The following CLUH variants were observed in gnomAD, a reference collection of about 807,000 sequenced individuals.
CLUH encodes CLUH binding protein of NUMT mRNA.
A neutral mutation model predicts 139.3 loss-of-function variants in CLUH; 77 were observed. The observed-to-expected ratio is 0.55, with a 90% CI of 0.46 to 0.67. The LOEUF (loss-of-function observed/expected upper bound fraction) is 0.67, where lower values mean the gene tolerates loss of function less well. Among genes scored for constraint, CLUH ranks in the 30% least tolerant of loss-of-function variants. The pLI is 0.00. For synonymous variants in CLUH, 999 were observed against 801.6 expected (o/e 1.25, Z -4.16); for missense variants, 1,876 against 1,875.8 (o/e 1.00, Z 0.00).
chr17:2,700,653 G>A (rs750071476), intron 8 of CLUH, 25 bp downstream of exon 8: 9 of 1,517,298 alleles, frequency 5.9e-6, no homozygotes, highest in African/African-American at 2.8e-5. Flanking sequence ...GGTGCCCAGC[G>A]AGGGCAGGGC....
At chr17:2,694,346 C>G (rs905246642) in intron 17 of CLUH, 70 bp from the exon 18 acceptor site, 3 of 1,530,624 alleles carry the variant, frequency 2.0e-6, no homozygotes, top group Non-Finnish European at 2.6e-6. Context: ...TCCCAACCCA[C>G]CAACGCTTGC....
Position 2,703,387 on chromosome 17 carries a change from G to A in CLUH, c.406C>T (p.Leu136=). ...CFSLHLDGNV[L]DHFSELRSVE... Reference sequence around the variant, plus strand: ...CTGCGCAGCTCCGAGAAGTGGTCCAGCACGTTGCCATCCAGGTGCAGTGAG... The same window carrying A: ...CTGCGCAGCTCCGAGAAGTGGTCCAACACGTTGCCATCCAGGTGCAGTGAG... The change falls in exon 3 of 26, where the codon CTG becomes TTG. Residue 136 remains leucine, a synonymous_variant. Coordinates refer to ENST00000651024, the MANE Select transcript of CLUH (RefSeq NM_001366661.1). The surrounding 1 kb of genome is among the most constrained non-coding windows in gnomAD (Gnocchi z 4.2). 2 of 1,613,580 alleles carry A rather than the reference G, an allele frequency of 1.2e-6. No homozygotes were observed. Among genetic ancestry groups the A allele is most frequent in the African/African-American group, 1.3e-5 (1 of 75,028 alleles).
intron 9 of CLUH, among the ~76,000 whole-genome samples, chr17:2,699,386 C>T (rs372860313): frequency 1.7e-4 from 26 of 152,278 alleles, no homozygotes; most frequent in Admixed American, 2.0e-4. Context: ...TGCAGCGGCA[C>T]GAGATCCGAG....
rs71377528 is a variant in CLUH at position 2,693,141 on chromosome 17, CAA to C, written c.3232-283_3232-282del. On this transcript the variant is annotated intron_variant, in intron 19 of 25. Transcript: ENST00000651024. ...AAACCTAAAACTACTAAAAATGTTA[CAA>C]AAAAAAAAAAAAAGCCTGAGCAGGG... Among the ~76,000 whole-genome samples the C allele has an allele frequency of 9.5e-5, 7 of 73,788 alleles. No homozygotes were observed. In the South Asian group the frequency reaches 2.4e-3, roughly 25 times the overall value. The allele number at this position is 73,788 out of a possible 152,430, so 48.4% of individuals were successfully genotyped here.
At position 2,699,781 on chromosome 17, in the gene CLUH, G is replaced by A. The variant is rs553344718; in HGVS notation, c.1266+601C>T. 1.4e-4 allele frequency among the ~76,000 whole-genome samples: 22 copies of A among 152,154 alleles called. 1 individual carries two copies. The South Asian group carries it at 4.1e-3, about 29-fold the overall frequency. On this transcript the variant is annotated intron_variant, in intron 9 of 25. Transcript: ENST00000651024. ...CGAGTAGCTGGGACTACAGGCATGC[G>A]CCACCACACCCAGCTAATTTTTGTA...
In CLUH at chr17:2,692,406, A is replaced by ACGGC; in HGVS notation, c.3511_3514dup (p.Val1172GlyfsTer30). The ACGGC allele has an allele frequency of 6.3e-7, 1 of 1,597,740 alleles. No homozygotes were observed. The highest frequency in any genetic ancestry group is 8.5e-7 in the Non-Finnish European group (1 of 1,178,774). Reference sequence around the variant, plus strand: ...CTTGGGCCCGTGGTACTTGGTGCTGACGGCCAGCGCGTTCTCCAGGAAGCG... The same window carrying ACGGC: ...CTTGGGCCCGTGGTACTTGGTGCTGACGGCCGGCCAGCGCGTTCTCCAGGAAGCG... On this transcript the variant is annotated frameshift_variant, in exon 22 of 26. Transcript: ENST00000651024. LOFTEE classifies it high-confidence loss of function.
rs896098625 is a variant in CLUH at position 2,703,693 on chromosome 17, A to G, written c.304-204T>C. ...ACTTTCTGGCTTTTAAATCCAGGCCATGTCCACACATGCCATGCCCTGTGT... is the reference window on the plus strand; with the variant it reads ...ACTTTCTGGCTTTTAAATCCAGGCCGTGTCCACACATGCCATGCCCTGTGT... On this transcript the variant is annotated intron_variant, in intron 2 of 25. Coordinates refer to ENST00000651024, the MANE Select transcript of CLUH (RefSeq NM_001366661.1). This position sits in a 1 kb window ranked among gnomAD's most constrained non-coding sequence, Gnocchi z 4.2. Among the ~76,000 whole-genome samples the G allele has an allele frequency of 2.0e-5, 3 of 152,108 alleles. No individual in the cohort carries two copies. The highest frequency in any genetic ancestry group is 7.2e-5 in the African/African-American group (3 of 41,424).
chr17:2,694,677 G>A (rs541202055), intron 16 of CLUH, 113 bp from the exon 17 acceptor site: 63 of 1,226,940 alleles, frequency 5.1e-5, no homozygotes, highest in South Asian at 4.2e-4. Context: ...TGCCCCACCC[G>A]GCCCCCGGGA....
chr17:2,696,716 C>A lies in CLUH; in HGVS notation c.2185+3G>T. The A allele has an allele frequency of 6.2e-7, 1 of 1,611,644 alleles. No individual in the cohort carries two copies. Among genetic ancestry groups the A allele is most frequent in the South Asian group, 1.1e-5 (1 of 90,966 alleles). On this transcript the variant is annotated splice_donor_region_variant and intron_variant, in intron 11 of 25. Coordinates refer to ENST00000651024, the MANE Select transcript of CLUH (RefSeq NM_001366661.1). ...CTCTCCCGGCCATCTGCAGCAGCCC[C>A]ACCTGTGCCGTCGTCTGCGGCGATG...
intron 3 of CLUH, among the ~76,000 whole-genome samples, chr17:2,702,540 G>C (rs1258008546): frequency 6.6e-6 from 1 of 152,226 alleles, no homozygotes; most frequent in Non-Finnish European, 1.5e-5. Context: ...GTGGAGGGGA[G>C]AGGTTCCGTG....
chr17:2,692,496 G>A lies in CLUH; in HGVS notation c.3439-14C>T. On this transcript the variant is annotated splice_polypyrimidine_tract_variant and intron_variant, in intron 21 of 25. Transcript: ENST00000651024. ...CCCGATGTTGTTCTGGGGGCAGGCGGTGGGGGGCCCTGGTCAGCTCCCGGT... is the reference window on the plus strand; with the variant it reads ...CCCGATGTTGTTCTGGGGGCAGGCGATGGGGGGCCCTGGTCAGCTCCCGGT... 2 of 1,597,152 alleles carry A rather than the reference G, an allele frequency of 1.3e-6. No homozygotes were observed. The highest frequency in any genetic ancestry group is 1.7e-6 in the Non-Finnish European group (2 of 1,174,878).
At position 2,694,294 on chromosome 17, in the gene CLUH, C is replaced by G. The variant is rs760623211; in HGVS notation, c.2938-18G>C. On this transcript the variant is annotated intron_variant, in intron 17 of 25. Transcript: ENST00000651024. ...AGCAGGACCTGGGGGGCAGCCCCCCCACCACAGGAAGCCTCAGGCCCAGGT... is the reference window on the plus strand; with the variant it reads ...AGCAGGACCTGGGGGGCAGCCCCCCGACCACAGGAAGCCTCAGGCCCAGGT... The G allele has an allele frequency of 1.3e-6, 2 of 1,569,608 alleles. No individual in the cohort carries two copies. The highest frequency in any genetic ancestry group is 2.3e-5 in the East Asian group (1 of 44,412).
upstream of CLUH, chr17:2,711,790 T>A: frequency 4.2e-6 from 1 of 240,936 alleles, no homozygotes; most frequent in Non-Finnish European, 6.7e-6. Context: ...CGCCGTGGCC[T>A]TTGACCCCGC....
At chr17:2,697,792 C>T (rs2070016595) in intron 10 of CLUH, 104 bp downstream of exon 10, 3 of 1,100,686 alleles carry the variant, frequency 2.7e-6, no homozygotes, top group Non-Finnish European at 3.8e-6. Flanking sequence ...CCCTTCTTCA[C>T]TCTCCAGCGC....
Position 2,696,441 on chromosome 17 carries a change from G to A in CLUH, c.2283C>T (p.Phe761=). Residue 761 remains phenylalanine, a synonymous_variant, in exon 12 of 26, where the codon TTC becomes TTT. Transcript: ENST00000651024. ...AFDIRFNPDI[F]SPGVRFPESC... is the part of the protein sequence containing the mutation. The stretch of plus-strand genomic sequence containing the variant: ...CCGGCCCCCACCACCTGCCTGGTGA[G>A]AAGATGTCAGGATTGAAGCGAATGT... The A allele has an allele frequency of 6.3e-7, 1 of 1,588,468 alleles. No individual in the cohort carries two copies. The highest frequency in any genetic ancestry group is 8.6e-7 in the Non-Finnish European group (1 of 1,168,894).
At chr17:2,711,966 G>C (rs919285852), upstream of CLUH, 4 of 152,434 alleles carry the variant, frequency 2.6e-5, no homozygotes, top group African/African-American at 7.2e-5. Flanking sequence ...CGCCCTCGCG[G>C]GGCGGGGCCT....
chr17:2,709,529 C>T (rs145388817), intron 1 of CLUH, among the ~76,000 whole-genome samples: 5 of 152,202 alleles, frequency 3.3e-5, no homozygotes, highest in African/African-American at 1.2e-4. Context: ...TCCTCCTCCC[C>T]CTCTGGGCCT....
intron 17 of CLUH, 26 bp from the exon 18 acceptor site, chr17:2,694,302 G>A (rs753734759): frequency 1.3e-6 from 2 of 1,565,526 alleles, no homozygotes; most frequent in East Asian, 2.3e-5. Flanking sequence ...CCCACCACAG[G>A]AAGCCTCAGG....
intron 13 of CLUH, 40 bp downstream of exon 13, chr17:2,696,119 T>TCCACACAAGCC (rs1567584266): frequency 1.3e-6 from 2 of 1,484,094 alleles, no homozygotes; most frequent in African/African-American, 1.4e-5. Context: ...ACCAGCACCC[T>TCCACACAAGCC]CCACACAAGC....
Sources: allele counts gnomAD v4.1 joint callset (sites outside exome capture counted in the v4.1 genomes callset), GRCh38; gene constraint gnomAD v4.1.1; non-coding constraint Gnocchi (gnomAD v3.1); transcripts MANE v1.5; gene names NCBI Gene and HGNC (gene_info 2026-07-23, HGNC 2026-07-21).